The following C10orf90 variants were observed in gnomAD, a reference collection of about 807,000 sequenced individuals.
The protein encoded by C10orf90 is chromosome 10 open reading frame 90.
Under a neutral mutation model 62.5 loss-of-function variants are expected in C10orf90, and 56 were observed. The observed-to-expected ratio is 0.90, with a 90% CI of 0.72 to 1.12. The LOEUF is 1.12. Ranked by LOEUF, C10orf90 falls within the 50% of genes most tolerant of loss-of-function variation. C10orf90 has a pLI of 0.00. For synonymous variants in C10orf90, 386 were observed against 340.4 expected, an observed-to-expected ratio of 1.13 and a Z score of -1.47; for missense variants, 970 against 880.4, an observed-to-expected ratio of 1.10 and a Z score of -1.29.
rs771016575 is a variant in C10orf90, at chr10:126,504,289, T to C, written c.1202A>G (p.Asp401Gly). 3.7e-6 allele frequency: 6 copies of C among 1,614,050 alleles called. No homozygotes were observed. The African/African-American group carries it at 5.3e-5, about 14-fold the overall frequency. Residue 401 changes from aspartate (D) to glycine (G), a missense_variant, in exon 4 of 10, where the codon GAT (aspartate) becomes GGT (glycine). Asp to Gly is a moderately conservative substitution (Grantham distance 94, BLOSUM62 -1). Coordinates refer to ENST00000488181, the MANE Select transcript of C10orf90 (RefSeq NM_001350921.2). The surrounding 1 kb of genome is among the most constrained non-coding windows in gnomAD (Gnocchi z 4.1). Reference sequence around the variant, plus strand: ...TCTGTTCACTAGGCCATCTACTCCATCTGCTGTTAATCTGTGGGAACTACA... The same window carrying C: ...TCTGTTCACTAGGCCATCTACTCCACCTGCTGTTAATCTGTGGGAACTACA... ...LNCSSHRLTA[D>G]GVDGLVNREP...
At chr10:126,637,863 G>A (rs749339934) in intron 2 of C10orf90, among the ~76,000 whole-genome samples, 25 of 152,200 alleles carry the variant, frequency 1.6e-4, no homozygotes, top group Non-Finnish European at 2.6e-4. Context: ...GGTGTGGTCC[G>A]AGCAGGTCAT....
chr10:126,479,435 C>A (rs113556960), intron 4 of C10orf90, among the ~76,000 whole-genome samples: 1 of 152,328 alleles, frequency 6.6e-6, no homozygotes, highest in African/African-American at 2.4e-5. Flanking sequence ...GTAAGTCATG[C>A]AGAGCCTGCC....
chr10:126,658,442 G>T (rs1381988917), intron 1 of C10orf90, among the ~76,000 whole-genome samples: 1 of 152,212 alleles, frequency 6.6e-6, no homozygotes, highest in Non-Finnish European at 1.5e-5. Flanking sequence ...GTTGTTGTTT[G>T]CAGCACTTCC....
Position 126,461,485 on chromosome 10 carries a change from T to C in C10orf90, c.1926A>G (p.Ala642=). The part of the protein sequence containing the change: ...PEPSPAAPSP[A]PRDGAGSPGL... Reference sequence around the variant, plus strand: ...CAGGGCTCCCTGCTCCATCGCGGGGTGCTGGCGAGGGTGCTGCTGGGGAGG... The same window carrying C: ...CAGGGCTCCCTGCTCCATCGCGGGGCGCTGGCGAGGGTGCTGCTGGGGAGG... Residue 642 remains alanine, a synonymous_variant, in exon 6 of 10, where the codon GCA becomes GCG. Coordinates refer to ENST00000488181, the MANE Select transcript of C10orf90 (RefSeq NM_001350921.2). The C allele has an allele frequency of 1.2e-6, 2 of 1,613,992 alleles. No homozygotes were observed. Among genetic ancestry groups the C allele is most frequent in the African/African-American group, 1.3e-5 (1 of 75,004 alleles).
chr10:126,518,366 G>A (rs1863555839), intron 2 of C10orf90, among the ~76,000 whole-genome samples: 1 of 152,164 alleles, frequency 6.6e-6, no homozygotes, highest in South Asian at 2.1e-4. Flanking sequence ...AGCAGTGCTT[G>A]TTGATCTAAG....
At chr10:126,591,561 C>A (rs1444201800) in intron 2 of C10orf90, among the ~76,000 whole-genome samples, 2 of 152,028 alleles carry the variant, frequency 1.3e-5, no homozygotes, top group Admixed American at 1.3e-4. Flanking sequence ...ATAATAAGAG[C>A]CATATATGAC....
At chr10:126,627,762 T>A (rs1845774777) in intron 2 of C10orf90, among the ~76,000 whole-genome samples, 1 of 152,208 alleles carries the variant, frequency 6.6e-6, no homozygotes, top group Non-Finnish European at 1.5e-5. Context: ...TTCTCCTCCC[T>A]TGTATTTTTT....
chr10:126,436,434 C>CA (rs535519256), intron 7 of C10orf90, among the ~76,000 whole-genome samples: 292 of 149,538 alleles, frequency 2.0e-3, no homozygotes, highest in African/African-American at 6.2e-3. Flanking sequence ...TTTCTTTTTA[C>CA]AAAAAAAAAT....
intron 7 of C10orf90, among the ~76,000 whole-genome samples, chr10:126,447,486 A>G (rs1858861814): frequency 6.6e-6 from 1 of 152,200 alleles, no homozygotes; most frequent in African/African-American, 2.4e-5. Flanking sequence ...TGGATATAAC[A>G]ATTACAAATA....
chr10:126,591,502 C>T (rs776242861), intron 2 of C10orf90, among the ~76,000 whole-genome samples: 1 of 152,144 alleles, frequency 6.6e-6, no homozygotes, highest in Non-Finnish European at 1.5e-5. Flanking sequence ...AACATCCCTT[C>T]ATGTTAAAAA....
At chr10:126,458,996 C>T (rs758106083) in intron 7 of C10orf90, 44 bp downstream of exon 7, 5 of 1,577,690 alleles carry the variant, frequency 3.2e-6, no homozygotes, top group East Asian at 2.3e-5. Context: ...AGGAACCCCC[C>T]ATCCCTGGTC....
rs1448233267 is a variant in C10orf90 at position 126,456,796 on chromosome 10, T to C, written c.2188+2244A>G. ...GTGGAGACAGAGGCAGAGACTGTAG[T>C]GCCGCATCTACAAACCAAGGAACAT... On this transcript the variant is annotated intron_variant, in intron 7 of 9. Transcript: ENST00000488181. This position sits in a 1 kb window ranked among gnomAD's most constrained non-coding sequence, Gnocchi z 4.9. 1.3e-5 allele frequency among the ~76,000 whole-genome samples: 2 copies of C among 152,016 alleles called. No homozygotes were observed. The highest frequency in any genetic ancestry group is 6.6e-5 in the Admixed American group (1 of 15,266).
chr10:126,645,510 A>C (rs922855782), intron 2 of C10orf90, among the ~76,000 whole-genome samples: 1 of 151,138 alleles, frequency 6.6e-6, no homozygotes, highest in Non-Finnish European at 1.5e-5. Flanking sequence ...GGATCGCTTG[A>C]GCCCAGGAGT....
intron 4 of C10orf90, among the ~76,000 whole-genome samples, chr10:126,498,441 C>T (rs1001323020): frequency 4.6e-5 from 7 of 152,202 alleles, no homozygotes; most frequent in Admixed American, 3.3e-4. Flanking sequence ...CTAGCCTCCT[C>T]ATACGGGTGC....
chr10:126,490,625 A>T (rs1861715349), intron 4 of C10orf90, among the ~76,000 whole-genome samples: 1 of 152,098 alleles, frequency 6.6e-6, no homozygotes, highest in Non-Finnish European at 1.5e-5. Context: ...AAAATGGTAA[A>T]CTTTATATTA....
In C10orf90 at chr10:126,455,200, A is replaced by T. The variant is rs188473956; in HGVS notation, c.2188+3840T>A. 3.3e-5 allele frequency among the ~76,000 whole-genome samples: 5 copies of T among 152,184 alleles called. No individual in the cohort carries two copies. In the East Asian group the frequency reaches 5.8e-4, roughly 18 times the overall value. On this transcript the variant is annotated intron_variant, in intron 7 of 9. Transcript: ENST00000488181. Reference sequence around the variant, plus strand: ...TTACACTTAGCAGCATCTACAGTTCATCTTTCCTTGGGCTCCTCTTTGGCC... The same window carrying T: ...TTACACTTAGCAGCATCTACAGTTCTTCTTTCCTTGGGCTCCTCTTTGGCC...
At chr10:126,668,618 G>T (rs1034843439) in intron 1 of C10orf90, among the ~76,000 whole-genome samples, 25 of 152,298 alleles carry the variant, frequency 1.6e-4, no homozygotes, top group African/African-American at 5.3e-4. Flanking sequence ...AGGGACAGGG[G>T]GTGCAAATCC....
In C10orf90 at chr10:126,556,709, G is replaced by A. The variant is rs138702985; in HGVS notation, c.314-42770C>T. ...AAGTTCATTTCTAGTGGGTTAAATC[G>A]TGACCTTGGATTCTTAATCCATAGC... On this transcript the variant is annotated intron_variant, in intron 2 of 9. Coordinates refer to ENST00000488181, the MANE Select transcript of C10orf90 (RefSeq NM_001350921.2). 4.0e-3 allele frequency among the ~76,000 whole-genome samples: 602 copies of A among 152,148 alleles called. 4 individuals are homozygous for A. The highest frequency in any genetic ancestry group is 0.014 in the African/African-American group (576 of 41,514).
chr10:126,612,454 G>A (rs377172461), intron 2 of C10orf90, among the ~76,000 whole-genome samples: 4 of 152,280 alleles, frequency 2.6e-5, no homozygotes, highest in South Asian at 2.1e-4. Context: ...AAGATAAAAG[G>A]CCCTACACGT....
Sources: gnomAD v4.1 joint callset for allele counts (sites outside exome capture counted in the v4.1 genomes callset) on GRCh38, gnomAD v4.1.1 for gene constraint, Gnocchi (gnomAD v3.1) non-coding constraint, MANE v1.5 for transcripts, NCBI Gene and HGNC (gene_info 2026-07-23, HGNC 2026-07-21) for gene names.